TMEM135: variants seen among roughly 807,000 people sequenced by gnomAD.
The protein encoded by TMEM135 is transmembrane protein 135, also known as peroxisomal membrane protein 52.
In TMEM135, 30 loss-of-function variants were observed where a neutral mutation model predicts 60.3. The ratio of observed to expected loss-of-function variants is 0.50; its 90% CI spans 0.37 to 0.68. The LOEUF is 0.68. Ranked by LOEUF, TMEM135 falls within the 30% of genes least tolerant of loss-of-function variation. The pLI is 0.00. For synonymous variants in TMEM135, 190 were observed against 186.7 expected (o/e 1.02, Z -0.14); for missense variants, 468 against 548.8 (o/e 0.85, Z 1.47).
intron 5 of TMEM135, among the ~76,000 whole-genome samples, chr11:87,176,706 G>A (rs1000847264): frequency 6.6e-6 from 1 of 152,158 alleles, no homozygotes; most frequent in Non-Finnish European, 1.5e-5. Flanking sequence ...TAAAAGTCTG[G>A]TTTAGTGATT....
chr11:87,113,799 G>A (rs1483352166), intron 4 of TMEM135, among the ~76,000 whole-genome samples: 2 of 151,954 alleles, frequency 1.3e-5, no homozygotes, highest in South Asian at 4.1e-4. Flanking sequence ...AATGATCTTG[G>A]TGAAACAATT....
intron 5 of TMEM135, among the ~76,000 whole-genome samples, chr11:87,163,744 A>G (rs1938956998): frequency 6.8e-6 from 1 of 147,260 alleles, no homozygotes; most frequent in Admixed American, 6.8e-5. Context: ...CTGGTGTGAG[A>G]TGGTATCTCA....
chr11:87,058,668 G>A (rs970377692), intron 1 of TMEM135, among the ~76,000 whole-genome samples: 2 of 152,140 alleles, frequency 1.3e-5, no homozygotes, highest in African/African-American at 4.8e-5. Flanking sequence ...TGCCGAGGCT[G>A]GAGTGCAGTG....
In TMEM135 at chr11:87,067,766, G is replaced by A. The variant is rs761183426; in HGVS notation, c.214G>A (p.Ala72Thr). ...HKLLPEILQS[A>T]SFLTANGALY... ...ACTACTCCCTGAGATCCTACAATCCGCTTCATTTCTAACTGCTAATGGGGC... is the reference window on the plus strand; with the variant it reads ...ACTACTCCCTGAGATCCTACAATCCACTTCATTTCTAACTGCTAATGGGGC... Residue 72 changes from alanine to threonine, a missense_variant, in exon 2 of 15, where the codon GCT (alanine) becomes ACT (threonine). Ala to Thr is a moderately conservative substitution (Grantham distance 58). Transcript: ENST00000305494. 23 of 1,613,684 alleles carry A rather than the reference G, an allele frequency of 1.4e-5. No homozygotes were observed. Among genetic ancestry groups the A allele is most frequent in the East Asian group, 8.9e-5 (4 of 44,818 alleles).
intron 5 of TMEM135, among the ~76,000 whole-genome samples, chr11:87,183,886 G>A (rs561860962): frequency 1.3e-5 from 2 of 150,090 alleles, no homozygotes; most frequent in African/African-American, 4.9e-5. Flanking sequence ...AACCTGGGAG[G>A]TGGAGGTTGC....
At chr11:87,084,945 G>GT (rs1857064918) in intron 3 of TMEM135, among the ~76,000 whole-genome samples, 1 of 152,158 alleles carries the variant, frequency 6.6e-6, no homozygotes, top group Non-Finnish European at 1.5e-5. Context: ...CTCCATCATT[G>GT]TATTAGCCAT....
At chr11:87,167,321 G>A (rs1257474932) in intron 5 of TMEM135, among the ~76,000 whole-genome samples, 15 of 152,238 alleles carry the variant, frequency 9.9e-5, no homozygotes, top group East Asian at 5.8e-4. Flanking sequence ...GGATTGCCCT[G>A]GCCAGAACTT....
chr11:87,135,552 A>G (rs1228323814), intron 4 of TMEM135, among the ~76,000 whole-genome samples: 1 of 148,082 alleles, frequency 6.8e-6, no homozygotes, highest in Non-Finnish European at 1.5e-5. Flanking sequence ...AGTTTTACAC[A>G]TATATGTGGG....
At chr11:87,061,714 T>C (rs929880578) in intron 1 of TMEM135, among the ~76,000 whole-genome samples, 1 of 152,182 alleles carries the variant, frequency 6.6e-6, no homozygotes, top group African/African-American at 2.4e-5. Flanking sequence ...GCAATCCCAA[T>C]ACAGTCAACC....
chr11:87,079,076 G>C (rs2135151879), intron 3 of TMEM135, among the ~76,000 whole-genome samples: 1 of 152,142 alleles, frequency 6.6e-6, no homozygotes, highest in South Asian at 2.1e-4. Flanking sequence ...CATGATCTTT[G>C]CTCACTGCAA....
rs74933096 is a variant in TMEM135, at chr11:87,324,074, G to A, written c.*2741G>A. On this transcript the variant is annotated 3_prime_UTR_variant, in exon 15 of 15. Transcript: ENST00000305494. ...ATGTTTTTGATGGAATCCAAACTGA[G>A]CAAATGTCACACAGTATTTTCTTGT... is the stretch of plus-strand genomic sequence containing the variant. The A allele has an allele frequency of 1.8e-5, 8 of 454,020 alleles. No homozygotes were observed. Among genetic ancestry groups the A allele is most frequent in the Non-Finnish European group, 3.1e-5 (7 of 226,760 alleles). The allele number at this position is 454,020 out of a possible 1,614,324, so 28.1% of individuals were successfully genotyped here.
At chr11:87,151,312 G>C (rs1938550317) in intron 4 of TMEM135, among the ~76,000 whole-genome samples, 1 of 151,998 alleles carries the variant, frequency 6.6e-6, no homozygotes, top group Non-Finnish European at 1.5e-5. Context: ...AAAATTTATA[G>C]TTTTGCTGTT....
intron 5 of TMEM135, among the ~76,000 whole-genome samples, chr11:87,206,223 A>G (rs1301937102): frequency 6.6e-6 from 1 of 152,214 alleles, no homozygotes; most frequent in Non-Finnish European, 1.5e-5. Context: ...ATCTGAGACT[A>G]ACTAATATGC....
intron 6 of TMEM135, among the ~76,000 whole-genome samples, chr11:87,292,485 A>T (rs1213389093): frequency 6.6e-6 from 1 of 152,192 alleles, no homozygotes; most frequent in Non-Finnish European, 1.5e-5. Context: ...CACTATAATA[A>T]TCAAATCCAT....
chr11:87,187,821 T>C (rs1362885844), intron 5 of TMEM135, among the ~76,000 whole-genome samples: 5 of 152,166 alleles, frequency 3.3e-5, no homozygotes, highest in African/African-American at 1.2e-4. Flanking sequence ...TGTGGGAAAA[T>C]AAGCAAAATC....
chr11:87,133,261 C>CT (rs769293811), intron 4 of TMEM135, among the ~76,000 whole-genome samples: 1 of 152,132 alleles, frequency 6.6e-6, no homozygotes, highest in African/African-American at 2.4e-5. Context: ...GAGGAAAAGA[C>CT]TAGACTACTG....
chr11:87,213,876 C>T (rs1262418476), intron 5 of TMEM135, among the ~76,000 whole-genome samples: 2 of 152,148 alleles, frequency 1.3e-5, no homozygotes, highest in African/African-American at 4.8e-5. Flanking sequence ...CTAACATATC[C>T]ATTATCTTGT....
intron 5 of TMEM135, among the ~76,000 whole-genome samples, chr11:87,235,379 A>G (rs182149755): frequency 2.0e-5 from 3 of 151,848 alleles, no homozygotes; most frequent in African/African-American, 4.8e-5. Flanking sequence ...TATAATATTT[A>G]CTTCATATTA....
At chr11:87,258,655 A>C (rs1160691114) in intron 6 of TMEM135, among the ~76,000 whole-genome samples, 2 of 152,154 alleles carry the variant, frequency 1.3e-5, no homozygotes, top group Non-Finnish European at 2.9e-5. Flanking sequence ...TGAAGACTGA[A>C]GTAAGTCAGG....
Sources: gnomAD v4.1 joint callset for allele counts (sites outside exome capture counted in the v4.1 genomes callset) on GRCh38, gnomAD v4.1.1 for gene constraint, MANE v1.5 for transcripts, NCBI Gene and HGNC (gene_info 2026-07-23, HGNC 2026-07-21) for gene names.